KPNA7: variants seen among roughly 807,000 people sequenced by gnomAD.
The protein encoded by KPNA7 is importin subunit alpha-8.
KPNA7 carries 54 observed loss-of-function variants against 53.7 expected under a neutral mutation model. The ratio of observed to expected loss-of-function variants is 1.01; its 90% CI spans 0.81 to 1.26. KPNA7 has a LOEUF of 1.26. Among genes scored for constraint, KPNA7 ranks in the 50% most tolerant of loss-of-function variants. The pLI, the probability that KPNA7 is intolerant of heterozygous loss-of-function variation, is 0.00. For synonymous variants in KPNA7, 276 were observed against 259.3 expected (o/e 1.06, Z -0.62); for missense variants, 640 against 644.5 (o/e 0.99, Z 0.07).
chr7:99,213,820 G>T (rs138335466), intron 1 of KPNA7, among the ~76,000 whole-genome samples: 1 of 151,774 alleles, frequency 6.6e-6, no homozygotes, highest in Non-Finnish European at 1.5e-5. Flanking sequence ...TGTTGCCCAC[G>T]CTGTTCTTGA....
chr7:99,160,638 CACTT>C, the KPNA7 span, among the ~76,000 whole-genome samples: 38 of 152,298 alleles, frequency 2.5e-4, no homozygotes, highest in African/African-American at 8.2e-4. Context: ...TCAGTTCTAA[CACTT>C]ACATTTGATT....
At chr7:99,176,325 G>T (rs1402298241) in intron 10 of KPNA7, among the ~76,000 whole-genome samples, 2 of 113,650 alleles carry the variant, frequency 1.8e-5, no homozygotes, top group African/African-American at 3.1e-5. Context: ...AAGAAAGAAA[G>T]AAAGAAAAGA....
At chr7:99,187,798 T>TAAA (rs1789685105) in intron 7 of KPNA7, among the ~76,000 whole-genome samples, 7 of 2,892 alleles carry the variant, frequency 2.4e-3, no homozygotes, top group African/African-American at 3.7e-3. Flanking sequence ...GCCTTTTTTT[T>TAAA]TAAAAAAAAA....
At chr7:99,164,891 A>C in the KPNA7 span, among the ~76,000 whole-genome samples, 1,787 of 152,268 alleles carry the variant, frequency 0.012, 34 homozygotes, top group African/African-American at 0.041. Flanking sequence ...TGAGGTCAGA[A>C]GTTTTGAGAC....
chr7:99,175,600 C>G (rs539723279), intron 10 of KPNA7, among the ~76,000 whole-genome samples: 1 of 152,060 alleles, frequency 6.6e-6, no homozygotes, highest in South Asian at 2.1e-4. Flanking sequence ...ACTGCAACCT[C>G]TGCTCTGGGG....
At chr7:99,199,740 T>C (rs1419892235) in intron 3 of KPNA7, among the ~76,000 whole-genome samples, 3 of 152,138 alleles carry the variant, frequency 2.0e-5, no homozygotes, top group Non-Finnish European at 2.9e-5. Flanking sequence ...AAACTAGACT[T>C]CTTCAAAATT....
At chr7:99,180,001 G>A (rs1166963480) in intron 9 of KPNA7, among the ~76,000 whole-genome samples, 3 of 152,186 alleles carry the variant, frequency 2.0e-5, no homozygotes, top group Non-Finnish European at 1.5e-5. Flanking sequence ...GAATGGGGAT[G>A]ACCTGTGTAA....
At chr7:99,163,359 G>GTGTATATATA in the KPNA7 span, among the ~76,000 whole-genome samples, 19 of 66,402 alleles carry the variant, frequency 2.9e-4, no homozygotes, top group Non-Finnish European at 3.7e-4. Context: ...ATGAGTGTGT[G>GTGTATATATA]TATATATATA....
At chr7:99,179,133 G>A (rs1799048734) in intron 9 of KPNA7, among the ~76,000 whole-genome samples, 1 of 152,242 alleles carries the variant, frequency 6.6e-6, no homozygotes, top group African/African-American at 2.4e-5. Context: ...TCATGGGGTT[G>A]AGTTTCTAAT....
chr7:99,215,371 A>AAC (rs1388456710), intron 1 of KPNA7, among the ~76,000 whole-genome samples: 2 of 80,048 alleles, frequency 2.5e-5, no homozygotes, highest in Non-Finnish European at 4.4e-5. Context: ...GACTGTCTCA[A>AAC]AAAAAAAAAA....
upstream of KPNA7, among the ~76,000 whole-genome samples, chr7:99,209,687 A>G: frequency 1.1e-5 from 1 of 93,526 alleles, no homozygotes; most frequent in Non-Finnish European, 2.0e-5. Flanking sequence ...CAACTCAAAA[A>G]AAAAAAAAAA....
In KPNA7 at chr7:99,202,921, A is replaced by T. The variant is rs535851948; in HGVS notation, c.201+185T>A. ...ATCTAGATTCCACAGACTCAGAGCC[A>T]TAGGAGTAATGGCCATTAGCCTTTT... On this transcript the variant is annotated intron_variant, in intron 3 of 10. Coordinates refer to ENST00000327442, the MANE Select transcript of KPNA7 (RefSeq NM_001145715.3). 1.4e-4 allele frequency among the ~76,000 whole-genome samples: 22 copies of T among 152,310 alleles called. 1 individual carries two copies. The highest frequency in any genetic ancestry group is 5.1e-4 in the African/African-American group (21 of 41,568).
the KPNA7 span, among the ~76,000 whole-genome samples, chr7:99,147,299 G>C: frequency 1.3e-5 from 2 of 152,170 alleles, no homozygotes; most frequent in Admixed American, 6.5e-5. Flanking sequence ...GAGACATCTC[G>C]AGTCACAGAT....
chr7:99,186,513 C>T (rs998930776), intron 7 of KPNA7, among the ~76,000 whole-genome samples: 4 of 152,062 alleles, frequency 2.6e-5, no homozygotes, highest in Non-Finnish European at 5.9e-5. Flanking sequence ...GAGGCCGAGG[C>T]GGATGGATCA....
At chr7:99,181,150 C>T (rs1190598148) in intron 9 of KPNA7, among the ~76,000 whole-genome samples, 2 of 21,320 alleles carry the variant, frequency 9.4e-5, no homozygotes, top group Admixed American at 5.0e-4. Flanking sequence ...TCTCTCTCTC[C>T]GTCTGTGTCT....
chr7:99,204,357 G>A (rs1475633631), intron 2 of KPNA7, among the ~76,000 whole-genome samples: 3 of 151,594 alleles, frequency 2.0e-5, no homozygotes, highest in Non-Finnish European at 4.4e-5. Flanking sequence ...GGGCAATAGA[G>A]CAAGACCCTG....
At chr7:99,158,037 GCCA>G in the KPNA7 span, among the ~76,000 whole-genome samples, 1 of 151,536 alleles carries the variant, frequency 6.6e-6, no homozygotes, top group African/African-American at 2.4e-5. Context: ...ACAGGTACAT[GCCA>G]CCACATTTGG....
chr7:99,217,229 CG>C (rs1791238985), intron 1 of KPNA7, among the ~76,000 whole-genome samples: 1 of 152,164 alleles, frequency 6.6e-6, no homozygotes. Flanking sequence ...GTGCCCAGCC[CG>C]GCTGCAGCTG....
chr7:99,180,793 GTC>G (rs568095165), intron 9 of KPNA7, among the ~76,000 whole-genome samples: 5 of 10,278 alleles, frequency 4.9e-4, no homozygotes, highest in African/African-American at 7.7e-4. Flanking sequence ...CCCCGTCTGT[GTC>G]TCTCTCTCTC....
Sources: allele counts gnomAD v4.1 joint callset (sites outside exome capture counted in the v4.1 genomes callset), GRCh38; gene constraint gnomAD v4.1.1; transcripts MANE v1.5; gene names NCBI Gene and HGNC (gene_info 2026-07-23, HGNC 2026-07-21).